Variants in ENTREP2 observed in about 807,000 individuals in gnomAD.
ENTREP2 encodes the protein protein ENTREP2.
At chr15:29,654,817 C>A in the ENTREP2 span, among the ~76,000 whole-genome samples, 38 of 152,278 alleles carry the variant, frequency 2.5e-4, no homozygotes, top group Admixed American at 5.9e-4. Flanking sequence ...ATATTTGTGT[C>A]CTGACTAATA....
the ENTREP2 span, among the ~76,000 whole-genome samples, chr15:29,140,069 T>A: frequency 6.6e-6 from 1 of 152,176 alleles, no homozygotes; most frequent in South Asian, 2.1e-4. Context: ...TCCTCCCTTC[T>A]GTTCCCCGGC....
chr15:29,548,855 C>T, the ENTREP2 span, among the ~76,000 whole-genome samples: 52,892 of 152,090 alleles, frequency 0.35, 9,339 homozygotes, highest in East Asian at 0.42. Flanking sequence ...TTCCCACAAA[C>T]GATTCAGGGA....
the ENTREP2 span, among the ~76,000 whole-genome samples, chr15:29,493,534 T>C: frequency 6.6e-6 from 1 of 152,192 alleles, no homozygotes; most frequent in East Asian, 1.9e-4. Context: ...GAAGGATCAC[T>C]TGAGCCCAGT....
At chr15:29,343,027 T>TGAGG in the ENTREP2 span, among the ~76,000 whole-genome samples, 1 of 130,886 alleles carries the variant, frequency 7.6e-6, no homozygotes, top group African/African-American at 2.7e-5. Context: ...TAAAAAGGAA[T>TGAGG]GGGGGGGGTG....
the ENTREP2 span, among the ~76,000 whole-genome samples, chr15:29,628,199 C>T: frequency 6.6e-6 from 1 of 152,168 alleles, no homozygotes. Context: ...AGTAATATTA[C>T]ATTTTGATCT....
chr15:29,319,533 TCATC>T, the ENTREP2 span, among the ~76,000 whole-genome samples: 1 of 152,194 alleles, frequency 6.6e-6, no homozygotes, highest in South Asian at 2.1e-4. Context: ...GGTGAGAAAT[TCATC>T]TGGAATAACA....
At chr15:29,618,450 A>G in the ENTREP2 span, among the ~76,000 whole-genome samples, 6 of 151,884 alleles carry the variant, frequency 4.0e-5, no homozygotes, top group East Asian at 9.7e-4. Flanking sequence ...ATGTTTTCAC[A>G]GATGATCCAG....
chr15:29,358,244 C>G, the ENTREP2 span, among the ~76,000 whole-genome samples: 7 of 152,062 alleles, frequency 4.6e-5, no homozygotes, highest in African/African-American at 1.7e-4. Flanking sequence ...AAGACTGCAA[C>G]AACAATCAAA....
chr15:29,199,832 T>C, the ENTREP2 span, among the ~76,000 whole-genome samples: 1 of 152,368 alleles, frequency 6.6e-6, no homozygotes, highest in Non-Finnish European at 1.5e-5. Context: ...CTATGTTTTT[T>C]CTAAATGTTT....
the ENTREP2 span, chr15:29,123,412 C>A: frequency 6.4e-7 from 1 of 1,550,932 alleles, no homozygotes; most frequent in Non-Finnish European, 8.7e-7. Flanking sequence ...GACAGCCAAG[C>A]GCATGGCACC....
the ENTREP2 span, chr15:29,234,255 CAGA>C: frequency 2.5e-6 from 4 of 1,612,414 alleles, no homozygotes; most frequent in East Asian, 4.5e-5. Context: ...CTCTCTTCCG[CAGA>C]AGGAGTTTTA....
the ENTREP2 span, among the ~76,000 whole-genome samples, chr15:29,674,444 A>G: frequency 6.6e-6 from 1 of 151,624 alleles, no homozygotes; most frequent in Non-Finnish European, 1.5e-5. Flanking sequence ...TAATTTTTGT[A>G]TTTTTAGTTG....
chr15:29,466,412 C>CCCCAGGGGAGGACACTGCTGCA, the ENTREP2 span, among the ~76,000 whole-genome samples: 1 of 151,818 alleles, frequency 6.6e-6, no homozygotes, highest in African/African-American at 2.4e-5. Flanking sequence ...ACGCTGCAGC[C>CCCCAGGGGAGGACACTGCTGCA]CCCAGGGGAG....
chr15:29,182,926 A>C, the ENTREP2 span, among the ~76,000 whole-genome samples: 1 of 152,176 alleles, frequency 6.6e-6, no homozygotes, highest in Non-Finnish European at 1.5e-5. Flanking sequence ...ATACACAAAA[A>C]TAAATACAAC....
the ENTREP2 span, among the ~76,000 whole-genome samples, chr15:29,355,006 T>C: frequency 6.6e-6 from 1 of 152,114 alleles, no homozygotes; most frequent in Non-Finnish European, 1.5e-5. Flanking sequence ...GAGGGGAGAC[T>C]GGAGTGGGCA....
At chr15:29,438,527 C>A in the ENTREP2 span, among the ~76,000 whole-genome samples, 4 of 152,034 alleles carry the variant, frequency 2.6e-5, no homozygotes, top group Non-Finnish European at 1.5e-5. Context: ...GGAAATGCCG[C>A]AGCTGACCAC....
the ENTREP2 span, chr15:29,612,452 C>T: frequency 2.0e-5 from 3 of 151,680 alleles, no homozygotes; most frequent in African/African-American, 7.3e-5. Flanking sequence ...ACATTCAAAT[C>T]TTATTCCTCC....
At chr15:29,327,529 A>G in the ENTREP2 span, among the ~76,000 whole-genome samples, 1 of 150,744 alleles carries the variant, frequency 6.6e-6, no homozygotes, top group Non-Finnish European at 1.5e-5. Context: ...CGGGAGGTAG[A>G]GCTTGCAGTG....
At chr15:29,596,653 C>T in the ENTREP2 span, among the ~76,000 whole-genome samples, 171 of 152,172 alleles carry the variant, frequency 1.1e-3, no homozygotes, top group Admixed American at 5.1e-3. Context: ...GGTTCCCCAA[C>T]ATCCTAATTA....
Sources: gnomAD v4.1 joint callset for allele counts (sites outside exome capture counted in the v4.1 genomes callset) on GRCh38, gnomAD v4.1.1 for gene constraint, MANE v1.5 for transcripts, NCBI Gene and HGNC (gene_info 2026-07-23, HGNC 2026-07-21) for gene names.